Variants in BIN1 observed in about 807,000 individuals in gnomAD.
BIN1 encodes the protein myc box-dependent-interacting protein 1.
A neutral mutation model predicts 82.0 loss-of-function variants in BIN1; 53 were observed. The ratio of observed to expected loss-of-function variants is 0.65; its 90% confidence interval spans 0.52 to 0.81. BIN1 has a LOEUF of 0.81. Among genes scored for constraint, BIN1 ranks in the 40% least tolerant of loss-of-function variants. BIN1 has a pLI of 0.00. For missense variants in BIN1, 642 were observed against 784.4 expected, an observed-to-expected ratio of 0.82 and a Z score of 2.17; for synonymous variants, 302 against 328.0, an observed-to-expected ratio of 0.92 and a Z score of 0.86.
At chr2:127,071,115 GGCT>G (rs1330158373) in intron 2 of BIN1, among the ~76,000 whole-genome samples, 1 of 152,050 alleles carries the variant, frequency 6.6e-6, no homozygotes. Flanking sequence ...CTGGAGGTAC[GGCT>G]GAATGACACA....
intron 7 of BIN1, chr2:127,065,014 G>A (rs184860544): frequency 2.6e-5 from 4 of 152,484 alleles, no homozygotes; most frequent in Admixed American, 2.6e-4. Context: ...CACGTTCTCA[G>A]GCCGGGGCTG....
intron 1 of BIN1, among the ~76,000 whole-genome samples, chr2:127,081,349 C>A (rs1385447921): frequency 6.6e-6 from 1 of 152,252 alleles, no homozygotes; most frequent in Non-Finnish European, 1.5e-5. Context: ...CACAGCCTGA[C>A]ACCGTCCAGT....
chr2:127,061,120 C>T (rs1210633133), intron 10 of BIN1, among the ~76,000 whole-genome samples: 1 of 152,136 alleles, frequency 6.6e-6, no homozygotes, highest in East Asian at 1.9e-4. Context: ...CCAGTGTTCC[C>T]ACCTGTGCCT....
chr2:127,054,137 C>CAT (rs371888487), intron 12 of BIN1, 125 bp from the exon 13 acceptor site: 7 of 692,184 alleles, frequency 1.0e-5, no homozygotes, highest in Non-Finnish European at 1.7e-5. Flanking sequence ...ACCACGCATG[C>CAT]AGAGCAAGCG....
chr2:127,062,831 A>G (rs373370002), intron 9 of BIN1, among the ~76,000 whole-genome samples: 2 of 152,198 alleles, frequency 1.3e-5, no homozygotes, highest in African/African-American at 4.8e-5. Context: ...CTTCGAAGGG[A>G]AAAAGGAAAA....
chr2:127,068,172 G>A lies in BIN1; in HGVS notation c.603C>T (p.Leu201=). The A allele has an allele frequency of 1.2e-6, 2 of 1,613,610 alleles. No individual in the cohort carries two copies. The highest frequency in any genetic ancestry group is 1.7e-4 in the Middle Eastern group (1 of 6,060). Residue 201 remains leucine (L), a synonymous_variant, in exon 7 of 19, where the codon CTC becomes CTT. Transcript: ENST00000316724. The surrounding 1 kb of genome is among the most constrained non-coding windows in gnomAD (Gnocchi z 4.9). ...QAHLVAQTNL[L]RNQAEEELIK... Reference sequence around the variant, plus strand: ...TAGAAGCCAGTGTCACCTGATTTCGGAGCAGGTTAGTTTGAGCTACGAGAT... The same window carrying A: ...TAGAAGCCAGTGTCACCTGATTTCGAAGCAGGTTAGTTTGAGCTACGAGAT...
rs1684124202 is a variant in BIN1, at chr2:127,059,264, G to A, written c.858-109C>T. ...TGAAGAGGTGTGTGCATATGGAGGTGTGAAACTGTGTGTGTGTGTGTGTGT... is the reference window on the plus strand; with the variant it reads ...TGAAGAGGTGTGTGCATATGGAGGTATGAAACTGTGTGTGTGTGTGTGTGT... On this transcript the variant is annotated intron_variant, in intron 10 of 18. Transcript: ENST00000316724. The surrounding 1 kb of genome is among the most constrained non-coding windows in gnomAD (Gnocchi z 6.7). The A allele has an allele frequency of 1.5e-6, 2 of 1,295,378 alleles. No individual in the cohort carries two copies. The highest frequency in any genetic ancestry group is 1.3e-5 in the South Asian group (1 of 77,826). 80.2% of individuals were successfully genotyped at this position (1,295,378 alleles called of 1,614,324 possible). A position where few individuals can be genotyped will look rare whatever the true frequency, so the allele number is the denominator to read the frequency against.
In BIN1 at chr2:127,060,627, G is replaced by C. The variant is rs185803812; in HGVS notation, c.858-1472C>G. The C allele has an allele frequency of 1.3e-4, 209 of 1,614,228 alleles. No individual in the cohort carries two copies. In the Admixed American group the frequency reaches 3.4e-3, roughly 27 times the overall value. ...TTCTTTCTGCGCAGCCGCGAAAACA[G>C]TTTACTTTTCTTTCTGTGGGGACGG... is the stretch of plus-strand genomic sequence containing the variant. On this transcript the variant is annotated intron_variant, in intron 10 of 18. Transcript: ENST00000316724.
chr2:127,059,189 TGGG>T lies in BIN1; in HGVS notation c.858-37_858-35del. On this transcript the variant is annotated intron_variant, in intron 10 of 18. Transcript: ENST00000316724. The surrounding 1 kb of genome is among the most constrained non-coding windows in gnomAD (Gnocchi z 6.7). ...GAGGACAAGAAAGGGAGCCCAGTGT[TGGG>T]GGGCCAAGGCACAGGAGACGGAGGG... The T allele has an allele frequency of 6.4e-7, 1 of 1,554,720 alleles. No homozygotes were observed. The highest frequency in any genetic ancestry group is 8.7e-7 in the Non-Finnish European group (1 of 1,150,776).
At chr2:127,063,896 C>T in intron 8 of BIN1, 37 bp downstream of exon 8, 1 of 1,611,934 alleles carries the variant, frequency 6.2e-7, no homozygotes, top group South Asian at 1.1e-5. Context: ...AGACTGGACA[C>T]TGCCCCACGC....
intron 12 of BIN1, chr2:127,056,563 A>C (rs1683698829): frequency 6.6e-6 from 1 of 152,362 alleles, no homozygotes; most frequent in Non-Finnish European, 1.5e-5. Context: ...AGCTGTGTGA[A>C]GGTGTTTGCT....
chr2:127,102,807 A>G (rs1680528664), intron 1 of BIN1, among the ~76,000 whole-genome samples: 1 of 152,230 alleles, frequency 6.6e-6, no homozygotes, highest in Non-Finnish European at 1.5e-5. Flanking sequence ...GAGATGAACC[A>G]TCTACATAAG....
rs1682422149 is a variant in BIN1 at position 127,048,239 on chromosome 2, C to T, written c.*287G>A. Reference sequence around the variant, plus strand: ...CATGGTGGCTCGGCAGCCCCCAGCCCCGCCCTGCGGCCAGGCACACATGCG... The same window carrying T: ...CATGGTGGCTCGGCAGCCCCCAGCCTCGCCCTGCGGCCAGGCACACATGCG... On this transcript the variant is annotated 3_prime_UTR_variant, in exon 19 of 19. Coordinates refer to ENST00000316724, the MANE Select transcript of BIN1 (RefSeq NM_139343.3). 4.5e-6 allele frequency: 2 copies of T among 442,662 alleles called. No individual in the cohort carries two copies. The highest frequency in any genetic ancestry group is 8.4e-6 in the Non-Finnish European group (2 of 238,108). The allele number at this position is 442,662 out of a possible 1,614,324, so 27.4% of individuals were successfully genotyped here.
rs1683302135 is a variant in BIN1 at position 127,053,978 on chromosome 2, C to G, written c.1166G>C (p.Ser389Thr). The change falls in exon 13 of 19, where the codon AGT (serine) becomes ACT (threonine). Residue 389 changes from serine (S) to threonine (T), a missense_variant. Coordinates refer to ENST00000316724, the MANE Select transcript of BIN1 (RefSeq NM_139343.3). ...GGGGTCAAAGTCCAGGTCCAGCAGACTGGCCTGCTCCGAGAAAGGCCCCGG... is the reference window on the plus strand; with the variant it reads ...GGGGTCAAAGTCCAGGTCCAGCAGAGTGGCCTGCTCCGAGAAAGGCCCCGG... The part of the protein sequence containing the change: ...EAPGPFSEQA[S>T]LLDLDFDPLP... 6.4e-7 allele frequency: 1 copy of G among 1,551,524 alleles called. No individual in the cohort carries two copies. Among genetic ancestry groups the G allele is most frequent in the Admixed American group, 2.0e-5 (1 of 51,048 alleles).
At position 127,062,844 on chromosome 2, in the gene BIN1, TAAG is replaced by T. The variant is rs376706253; in HGVS notation, c.775-650_775-648del. Among the ~76,000 whole-genome samples the T allele has an allele frequency of 4.5e-3, 692 of 152,338 alleles. 6 individuals carry two copies. The highest frequency in any genetic ancestry group is 0.016 in the African/African-American group (670 of 41,578). ...ATCTTCGAAGGGAAAAAGGAAAAGT[TAAG>T]AAGGAAAGAGAAAGTCTAAAAGGCA... On this transcript the variant is annotated intron_variant, in intron 9 of 18. Transcript: ENST00000316724.
intron 8 of BIN1, 124 bp downstream of exon 8, chr2:127,063,809 G>A (rs1362535968): frequency 2.8e-6 from 4 of 1,422,072 alleles, no homozygotes; most frequent in African/African-American, 2.8e-5. Flanking sequence ...CACAGGCTGG[G>A]CACCGCAGCA....
At chr2:127,066,442 G>T (rs1178158582) in intron 7 of BIN1, among the ~76,000 whole-genome samples, 2 of 152,192 alleles carry the variant, frequency 1.3e-5, no homozygotes, top group Non-Finnish European at 2.9e-5. Flanking sequence ...CAGTGGGCAG[G>T]CCCCATAGCC....
chr2:127,071,957 T>G (rs994718239), intron 2 of BIN1, among the ~76,000 whole-genome samples: 2 of 152,152 alleles, frequency 1.3e-5, no homozygotes, highest in Non-Finnish European at 2.9e-5. Context: ...GAGAGGGGAC[T>G]CGGGAGAGCG....
intron 2 of BIN1, among the ~76,000 whole-genome samples, chr2:127,076,360 T>C (rs1184672913): frequency 1.3e-5 from 2 of 151,558 alleles, no homozygotes; most frequent in Non-Finnish European, 2.9e-5. Flanking sequence ...TATTGCCTGC[T>C]CCTATCCCAC....
Sources: gnomAD v4.1 joint callset for allele counts (sites outside exome capture counted in the v4.1 genomes callset) on GRCh38, gnomAD v4.1.1 for gene constraint, Gnocchi (gnomAD v3.1) non-coding constraint, MANE v1.5 for transcripts, NCBI Gene and HGNC (gene_info 2026-07-23, HGNC 2026-07-21) for gene names.